The following FGF14 variants were observed in gnomAD, a reference collection of about 807,000 sequenced individuals.
FGF14 encodes the protein fibroblast growth factor homologous factor 4.
FGF14 carries 5 observed loss-of-function variants against 25.5 expected under a neutral mutation model. The observed-to-expected ratio is 0.20, with a 90% CI of 0.10 to 0.41. The LOEUF is 0.41. Ranked by LOEUF, FGF14 falls within the 10% of genes least tolerant of loss-of-function variation. FGF14 has a pLI of 1.00. For missense variants in FGF14, 222 were observed against 320.1 expected (o/e 0.69, Z 2.34); for synonymous variants, 138 against 118.3 (o/e 1.17, Z -1.08).
At chr13:101,915,070 CAAG>C (rs1004569569) in intron 1 of FGF14, among the ~76,000 whole-genome samples, 4 of 152,292 alleles carry the variant, frequency 2.6e-5, no homozygotes, top group African/African-American at 9.6e-5. Flanking sequence ...AATTCTCCAA[CAAG>C]AAGTTCTTAT....
chr13:102,045,812 CT>C (rs1412945022), intron 1 of FGF14: 3 of 152,206 alleles, frequency 2.0e-5, no homozygotes, highest in Non-Finnish European at 4.4e-5. Flanking sequence ...GCTCTGCCAT[CT>C]ATAGGATAGT....
chr13:102,333,117 G>T (rs2056682829), intron 1 of FGF14, among the ~76,000 whole-genome samples: 2 of 152,088 alleles, frequency 1.3e-5, no homozygotes, highest in Admixed American at 1.3e-4. Flanking sequence ...AGTAAATCTT[G>T]GGATATCCAA....
chr13:102,097,946 A>T (rs1166484809), intron 1 of FGF14, among the ~76,000 whole-genome samples: 1 of 152,178 alleles, frequency 6.6e-6, no homozygotes, highest in African/African-American at 2.4e-5. Context: ...AACCCGAGAA[A>T]AACTGCTGAG....
chr13:102,325,649 C>T (rs1331144519), intron 1 of FGF14, among the ~76,000 whole-genome samples: 3 of 152,168 alleles, frequency 2.0e-5, no homozygotes, highest in African/African-American at 2.4e-5. Flanking sequence ...CAACCTCACC[C>T]GTATTTTAGT....
intron 3 of FGF14, among the ~76,000 whole-genome samples, chr13:101,731,315 G>C (rs1469570408): frequency 6.6e-6 from 1 of 152,052 alleles, no homozygotes; most frequent in Admixed American, 6.5e-5. Context: ...GATCGATAAG[G>C]AGTTTGATGT....
At chr13:101,846,685 A>G (rs1036275836) in intron 3 of FGF14, among the ~76,000 whole-genome samples, 2 of 152,088 alleles carry the variant, frequency 1.3e-5, no homozygotes, top group African/African-American at 4.8e-5. Context: ...CTACATACTA[A>G]GATAGCCAGA....
chr13:102,155,887 A>G (rs979921149), intron 1 of FGF14, among the ~76,000 whole-genome samples: 5 of 152,168 alleles, frequency 3.3e-5, no homozygotes, highest in African/African-American at 4.8e-5. Context: ...ACACCTCTAC[A>G]CAAATAAACT....
intron 1 of FGF14, among the ~76,000 whole-genome samples, chr13:101,974,245 A>G (rs2037789291): frequency 6.6e-6 from 1 of 152,178 alleles, no homozygotes; most frequent in Admixed American, 6.5e-5. Flanking sequence ...TATGGTTGCT[A>G]ATCTTTGCAT....
rs146100753 is a variant in FGF14, at chr13:102,025,896, T to TTG, written c.209-150602_209-150601dup. Among the ~76,000 whole-genome samples, 1,095 of 151,814 alleles carry TTG rather than the reference T, an allele frequency of 7.2e-3. 10 individuals carry two copies. Among genetic ancestry groups the TTG allele is most frequent in the Non-Finnish European group, 0.011 (741 of 67,854 alleles). ...CATTTATTAGTTCTAATAGTTGTGTTTGTGTGTGTGTGTGAATTCTTTTGC... is the reference window on the plus strand; with the variant it reads ...CATTTATTAGTTCTAATAGTTGTGTTTGTGTGTGTGTGTGTGAATTCTTTTGC... On this transcript the variant is annotated intron_variant, in intron 1 of 4. Coordinates refer to the FGF14 transcript ENST00000376131.
intron 1 of FGF14, among the ~76,000 whole-genome samples, chr13:101,964,796 A>T (rs1034005205): frequency 2.6e-5 from 4 of 152,006 alleles, no homozygotes; most frequent in Non-Finnish European, 5.9e-5. Flanking sequence ...TTCATAAGCC[A>T]ATGTCTATCT....
chr13:101,821,276 A>G (rs1483613859), intron 3 of FGF14, among the ~76,000 whole-genome samples: 3 of 152,138 alleles, frequency 2.0e-5, no homozygotes, highest in Non-Finnish European at 4.4e-5. Context: ...AAAATTTCAC[A>G]CATATTGATC....
chr13:101,868,135 T>C (rs1159797033), intron 3 of FGF14, among the ~76,000 whole-genome samples: 1 of 152,108 alleles, frequency 6.6e-6, no homozygotes, highest in African/African-American at 2.4e-5. Flanking sequence ...GTGGCAGAAA[T>C]AAATTCTAAC....
chr13:101,792,381 G>A (rs1316345040), intron 3 of FGF14, among the ~76,000 whole-genome samples: 2 of 152,054 alleles, frequency 1.3e-5, no homozygotes, highest in Non-Finnish European at 2.9e-5. Flanking sequence ...TGTCACTCAG[G>A]TTGACAACTG....
At chr13:102,256,193 T>C (rs896233475) in intron 1 of FGF14, among the ~76,000 whole-genome samples, 1 of 152,030 alleles carries the variant, frequency 6.6e-6, no homozygotes, top group Non-Finnish European at 1.5e-5. Flanking sequence ...ACAGGTCACA[T>C]ACATTCTATG....
Position 102,400,727 on chromosome 13 carries a change from C to G in FGF14, c.208+744G>C, listed in dbSNP as rs771848615. ...GAACTCACGGCCTGGCTCATCCCCA[C>G]CCCTGGCCCTGTGGGACCCCGACGC... On this transcript the variant is annotated intron_variant, in intron 1 of 4. Coordinates refer to the FGF14 transcript ENST00000376131. This position sits in a 1 kb window ranked among gnomAD's most constrained non-coding sequence, Gnocchi z 4.3. Among the ~76,000 whole-genome samples, 1 of 152,202 alleles carries G rather than the reference C, an allele frequency of 6.6e-6. No homozygotes were observed. Among genetic ancestry groups the G allele is most frequent in the Non-Finnish European group, 1.5e-5 (1 of 68,024 alleles).
At chr13:101,957,463 G>C (rs2036581261) in intron 1 of FGF14, among the ~76,000 whole-genome samples, 1 of 152,126 alleles carries the variant, frequency 6.6e-6, no homozygotes, top group Admixed American at 6.5e-5. Context: ...TAAATGCAAA[G>C]ACAAACAGCT....
chr13:101,726,272 G>A (rs79846685), intron 4 of FGF14, among the ~76,000 whole-genome samples: 2 of 151,192 alleles, frequency 1.3e-5, no homozygotes, highest in Admixed American at 6.6e-5. Flanking sequence ...ACTTATCATC[G>A]CAGATTTGTA....
At chr13:102,229,120 G>T (rs2050959692) in intron 1 of FGF14, among the ~76,000 whole-genome samples, 1 of 152,154 alleles carries the variant, frequency 6.6e-6, no homozygotes, top group African/African-American at 2.4e-5. Flanking sequence ...ACACGTAGAA[G>T]ACCTAGAAGG....
At chr13:101,850,105 A>T (rs1566309657) in intron 3 of FGF14, among the ~76,000 whole-genome samples, 1 of 151,682 alleles carries the variant, frequency 6.6e-6, no homozygotes. Context: ...AATGCAATGT[A>T]AGCAAAATAA....
Sources: gnomAD v4.1 joint callset for allele counts (sites outside exome capture counted in the v4.1 genomes callset) on GRCh38, gnomAD v4.1.1 for gene constraint, Gnocchi (gnomAD v3.1) non-coding constraint, MANE v1.5 for transcripts, NCBI Gene and HGNC (gene_info 2026-07-23, HGNC 2026-07-21) for gene names.